The following TTLL5 variants were observed in gnomAD, a reference collection of about 807,000 sequenced individuals.
The protein encoded by TTLL5 is tubulin polyglutamylase TTLL5.
TTLL5 carries 132 observed loss-of-function variants against 168.4 expected under a neutral mutation model. The ratio of observed to expected loss-of-function variants is 0.78; its 90% CI spans 0.68 to 0.91. TTLL5 has a LOEUF of 0.91. TTLL5 is among the 40% of genes least tolerant of loss of function. The pLI is 0.00. For missense variants in TTLL5, 1,545 were observed against 1,581.5 expected (o/e 0.98, Z 0.39); for synonymous variants, 546 against 558.6 (o/e 0.98, Z 0.32).
At chr14:75,667,355 T>C (rs1025736750) in intron 2 of TTLL5, among the ~76,000 whole-genome samples, 3 of 150,998 alleles carry the variant, frequency 2.0e-5, no homozygotes, top group African/African-American at 4.8e-5. Context: ...TCTGAGACTT[T>C]GTAGTTTAGG....
At chr14:75,759,455 T>A (rs1890492816) in intron 18 of TTLL5, among the ~76,000 whole-genome samples, 1 of 152,124 alleles carries the variant, frequency 6.6e-6, no homozygotes, top group African/African-American at 2.4e-5. Context: ...GTCAAGCATT[T>A]GAGGAATAAT....
Position 75,752,908 on chromosome 14 carries a change from T to G in TTLL5, c.1503T>G (p.His501Gln), listed in dbSNP as rs757345369. 1 of 1,613,612 alleles carries G rather than the reference T, an allele frequency of 6.2e-7. No homozygotes were observed. The highest frequency in any genetic ancestry group is 1.1e-5 in the South Asian group (1 of 91,038). ...TWEIYGSYLE[H>Q]KTSMNYMLAT... The stretch of plus-strand genomic sequence containing the variant: ...TGCTTTTCAGGTCCTACCTCGAGCA[T>G]AAGACCTCAATGAACTATATGCTGG... Residue 501 changes from histidine to glutamine, a missense_variant, in exon 18 of 32, where the codon CAT (histidine) becomes CAG (glutamine). By Grantham distance (24) the His-to-Gln change is conservative (BLOSUM62 0). Transcript: ENST00000298832.
intron 30 of TTLL5, among the ~76,000 whole-genome samples, chr14:75,888,359 C>T (rs2032221229): frequency 6.6e-6 from 1 of 152,234 alleles, no homozygotes; most frequent in African/African-American, 2.4e-5. Flanking sequence ...TCCGACTTCT[C>T]ATGCCTGCCT....
At chr14:75,745,457 A>G (rs1473202742) in intron 16 of TTLL5, 33 bp from the exon 17 acceptor site, 2 of 1,608,180 alleles carry the variant, frequency 1.2e-6, no homozygotes, top group Admixed American at 3.3e-5. Context: ...GGTTTTCAAA[A>G]TAGGTACTCA....
At chr14:75,686,441 G>A (rs999355336) in intron 5 of TTLL5, among the ~76,000 whole-genome samples, 1 of 152,120 alleles carries the variant, frequency 6.6e-6, no homozygotes, top group East Asian at 1.9e-4. Context: ...CCTGTCTTGG[G>A]TCCCATCTGG....
At chr14:75,806,640 T>C (rs894024781) in intron 27 of TTLL5, among the ~76,000 whole-genome samples, 1 of 151,958 alleles carries the variant, frequency 6.6e-6, no homozygotes, top group Non-Finnish European at 1.5e-5. Flanking sequence ...TTCACTCATA[T>C]GCATACTCTT....
At chr14:75,860,631 C>T (rs1413630104) in intron 28 of TTLL5, among the ~76,000 whole-genome samples, 1 of 152,144 alleles carries the variant, frequency 6.6e-6, no homozygotes, top group East Asian at 1.9e-4. Flanking sequence ...TCAAGGTTAG[C>T]CAGCTAAAGC....
intron 31 of TTLL5, among the ~76,000 whole-genome samples, chr14:75,926,639 G>A (rs990541066): frequency 2.2e-4 from 33 of 152,210 alleles, no homozygotes; most frequent in Non-Finnish European, 4.3e-4. Context: ...TAGGATGACT[G>A]TAATCAAAAG....
In TTLL5 at chr14:75,745,190, TG is replaced by T. The variant is rs1889528877; in HGVS notation, c.1379del (p.Gly460ValfsTer13). ...GPGKLGGSVL[G>X]LSMEEIKVLR... ...CAGGGAAGTTGGGTGGTTCTGTGCTTGGTCTGTCAATGGAGGAGGTAAAGAT... is the reference window on the plus strand; with the variant it reads ...CAGGGAAGTTGGGTGGTTCTGTGCTTGTCTGTCAATGGAGGAGGTAAAGAT... On this transcript the variant is annotated frameshift_variant, in exon 16 of 32. Transcript: ENST00000298832. LOFTEE classifies it high-confidence loss of function. 6.2e-7 allele frequency: 1 copy of T among 1,614,006 alleles called. No individual in the cohort carries two copies.
intron 9 of TTLL5, among the ~76,000 whole-genome samples, chr14:75,713,648 CT>C (rs1887244956): frequency 6.6e-6 from 1 of 152,118 alleles, no homozygotes; most frequent in Non-Finnish European, 1.5e-5. Context: ...TCAAAGGTCA[CT>C]AACATAAATG....
At position 75,725,732 on chromosome 14, in the gene TTLL5, T is replaced by C. The variant is rs545774385; in HGVS notation, c.1042+5029T>C. On this transcript the variant is annotated intron_variant, in intron 12 of 31. Coordinates refer to ENST00000298832, the MANE Select transcript of TTLL5 (RefSeq NM_015072.5). The stretch of plus-strand genomic sequence containing the variant: ...AACTAGATACTCAGGAAAAATGATA[T>C]CATCCTTTCTAGCAGATCAGGCCTG... 2.6e-5 allele frequency among the ~76,000 whole-genome samples: 4 copies of C among 152,252 alleles called. No homozygotes were observed. In the East Asian group the frequency reaches 5.8e-4, roughly 22 times the overall value.
intron 26 of TTLL5, 74 bp downstream of exon 26, chr14:75,783,604 T>G: frequency 4.6e-6 from 7 of 1,534,420 alleles, no homozygotes; most frequent in Non-Finnish European, 6.1e-6. Context: ...ATGTCATCTC[T>G]TCCCTTTGCC....
At chr14:75,720,959 G>A (rs761361284) in intron 12 of TTLL5, among the ~76,000 whole-genome samples, 2 of 152,186 alleles carry the variant, frequency 1.3e-5, no homozygotes, top group Non-Finnish European at 2.9e-5. Flanking sequence ...TTCTGTCAGA[G>A]TGCAGTCAGA....
At chr14:75,792,337 C>T (rs1016421111) in intron 26 of TTLL5, among the ~76,000 whole-genome samples, 11 of 150,508 alleles carry the variant, frequency 7.3e-5, no homozygotes, top group Admixed American at 3.3e-4. Context: ...CAAACCTGCA[C>T]GTTGTGCACA....
intron 5 of TTLL5, among the ~76,000 whole-genome samples, chr14:75,687,798 G>A (rs1339214079): frequency 1.3e-5 from 2 of 152,108 alleles, no homozygotes; most frequent in Non-Finnish European, 2.9e-5. Flanking sequence ...CACCAAAGAA[G>A]ATACAGGGAT....
chr14:75,808,905 G>A (rs959980720), intron 27 of TTLL5, among the ~76,000 whole-genome samples: 1 of 151,936 alleles, frequency 6.6e-6, no homozygotes, highest in East Asian at 1.9e-4. Context: ...GATTATAGGT[G>A]TGTGCCACCA....
chr14:75,771,682 T>C lies in TTLL5; in HGVS notation c.2016-52T>C. ...CTTGGAGAGAAGCAAGTACACATTT[T>C]GTAGTTTTACACTTCTGTCACATAA... is the stretch of plus-strand genomic sequence containing the variant. On this transcript the variant is annotated intron_variant, in intron 20 of 31. Coordinates refer to ENST00000298832, the MANE Select transcript of TTLL5 (RefSeq NM_015072.5). The C allele has an allele frequency of 1.9e-6, 3 of 1,608,442 alleles. 1 individual carries two copies. The South Asian group carries it at 3.3e-5, about 18-fold the overall frequency.
chr14:75,739,158 T>C (rs935653654), intron 15 of TTLL5, among the ~76,000 whole-genome samples: 14 of 152,106 alleles, frequency 9.2e-5, no homozygotes, highest in African/African-American at 3.4e-4. Context: ...TTAATTCCAT[T>C]ACATCTAGTT....
chr14:75,840,767 T>C (rs1896185420), intron 28 of TTLL5, among the ~76,000 whole-genome samples: 1 of 152,234 alleles, frequency 6.6e-6, no homozygotes, highest in Non-Finnish European at 1.5e-5. Context: ...CTAGAAATAA[T>C]TGCTTTCAAC....
Sources: allele counts gnomAD v4.1 joint callset (sites outside exome capture counted in the v4.1 genomes callset), GRCh38; gene constraint gnomAD v4.1.1; transcripts MANE v1.5; gene names NCBI Gene and HGNC (gene_info 2026-07-23, HGNC 2026-07-21).